The following GREB1 variants were observed in gnomAD, a reference collection of about 807,000 sequenced individuals.
GREB1 encodes the protein protein GREB1.
A neutral mutation model predicts 200.7 loss-of-function variants in GREB1; 106 were observed. The observed-to-expected ratio is 0.53, with a 90% CI of 0.45 to 0.62. GREB1 has a LOEUF of 0.62. Among genes scored for constraint, GREB1 ranks in the 20% least tolerant of loss-of-function variants. The pLI, the probability that GREB1 is intolerant of heterozygous loss-of-function variation, is 0.00. For synonymous variants in GREB1, 1,132 were observed against 1,092.4 expected, an observed-to-expected ratio of 1.04 and a Z score of -0.72; for missense variants, 2,243 against 2,556.8, an observed-to-expected ratio of 0.88 and a Z score of 2.65.
intron 27 of GREB1, 133 bp downstream of exon 27, chr2:11,632,246 T>C (rs773808023): frequency 1.2e-5 from 8 of 655,126 alleles, no homozygotes; most frequent in Middle Eastern, 8.3e-4. Context: ...ATTTTCATTT[T>C]GTCTGACTTT....
rs556073626 is a variant in GREB1, at chr2:11,506,249, C to G, written c.-159+23868C>G. ...TGGTTGAGTATAGATGCTGGAATTTCCTGTCCTTGAGAAGCGTGGTTTGGT... is the reference window on the plus strand; with the variant it reads ...TGGTTGAGTATAGATGCTGGAATTTGCTGTCCTTGAGAAGCGTGGTTTGGT... On this transcript the variant is annotated intron_variant, in intron 1 of 2. Coordinates refer to the GREB1 transcript ENST00000628795. Among the ~76,000 whole-genome samples the G allele has an allele frequency of 2.6e-5, 4 of 152,268 alleles. No individual in the cohort carries two copies. The East Asian group carries it at 7.7e-4, about 29-fold the overall frequency.
chr2:11,599,681 T>A (rs530501269), intron 15 of GREB1, among the ~76,000 whole-genome samples: 1 of 152,078 alleles, frequency 6.6e-6, no homozygotes, highest in Admixed American at 6.5e-5. Flanking sequence ...CCACCACACC[T>A]GGCTAATTTT....
chr2:11,576,269 T>G, intron 4 of GREB1, 84 bp from the exon 5 acceptor site: 1 of 1,124,902 alleles, frequency 8.9e-7, no homozygotes. Flanking sequence ...ATCGCACCAT[T>G]GCATTCCAGC....
At chr2:11,614,630 C>A (rs1347850440) in intron 19 of GREB1, among the ~76,000 whole-genome samples, 1 of 151,964 alleles carries the variant, frequency 6.6e-6, no homozygotes, top group Non-Finnish European at 1.5e-5. Context: ...GTGACACAAT[C>A]TCGGCTCACG....
At chr2:11,576,661 C>T (rs986870774) in intron 5 of GREB1, 126 bp downstream of exon 5, 36 of 676,466 alleles carry the variant, frequency 5.3e-5, no homozygotes, top group Non-Finnish European at 7.6e-6. Flanking sequence ...AAAGGCCAGG[C>T]CTATGAAATG....
In GREB1 at chr2:11,580,860, G is replaced by A. The variant is rs13004648; in HGVS notation, c.901+28G>A. ...AGCTCTGCCTGTCCTGGCCGTCCTGGGGATCCTGCTCTTCTTTGGGCCAAG... is the reference window on the plus strand; with the variant it reads ...AGCTCTGCCTGTCCTGGCCGTCCTGAGGATCCTGCTCTTCTTTGGGCCAAG... On this transcript the variant is annotated intron_variant, in intron 7 of 32. Coordinates refer to ENST00000381486, the MANE Select transcript of GREB1 (RefSeq NM_014668.4). The surrounding 1 kb of genome is among the most constrained non-coding windows in gnomAD (Gnocchi z 4.5). 0.12 allele frequency: 188,138 copies of A among 1,613,714 alleles called. 12,342 individuals carry two copies. Among genetic ancestry groups the A allele is most frequent in the Middle Eastern group, 0.16 (958 of 6,062 alleles).
At chr2:11,554,295 T>G (rs753624369) in intron 1 of GREB1, among the ~76,000 whole-genome samples, 3 of 152,136 alleles carry the variant, frequency 2.0e-5, no homozygotes, top group Non-Finnish European at 4.4e-5. Context: ...TGGTCAGAAG[T>G]TATTGCCACA....
Position 11,635,358 on chromosome 2 carries a change from A to G in GREB1, c.5299A>G (p.Lys1767Glu). The G allele has an allele frequency of 1.2e-6, 2 of 1,614,036 alleles. No individual in the cohort carries two copies. Among genetic ancestry groups the G allele is most frequent in the Non-Finnish European group, 1.7e-6 (2 of 1,179,958 alleles). ...CRFNRFSVMK[K>E]QIVVGGHRSF... ...GTTCAACCGCTTCAGCGTGATGAAG[A>G]AGCAGATCGTGGTGGGCGGCCACAG... The change falls in exon 30 of 33, where the codon AAG (lysine) becomes GAG (glutamate). Residue 1767 changes from lysine (K) to glutamate (E), a missense_variant. Lys to Glu is a moderately conservative substitution (Grantham distance 56, BLOSUM62 1). Coordinates refer to ENST00000381486, the MANE Select transcript of GREB1 (RefSeq NM_014668.4).
At position 11,502,792 on chromosome 2, in the gene GREB1, A is replaced by G. The variant is rs575614622; in HGVS notation, c.-159+20411A>G. 5.3e-5 allele frequency among the ~76,000 whole-genome samples: 8 copies of G among 152,350 alleles called. No homozygotes were observed. In the South Asian group the frequency reaches 1.5e-3, roughly 28 times the overall value. The stretch of plus-strand genomic sequence containing the variant: ...TTATATGTTATCTGGAGCACTTCAT[A>G]TAGTGATGTCACAGGTGGAAGGATT... On this transcript the variant is annotated intron_variant, in intron 1 of 2. Coordinates refer to the GREB1 transcript ENST00000628795.
intron 30 of GREB1, among the ~76,000 whole-genome samples, chr2:11,636,084 G>T (rs1171808842): frequency 2.6e-5 from 4 of 152,190 alleles, no homozygotes; most frequent in African/African-American, 9.7e-5. Context: ...CGCTGAGGTG[G>T]GCTGGGTCTG....
intron 1 of GREB1, among the ~76,000 whole-genome samples, chr2:11,488,449 C>A (rs1672705816): frequency 6.6e-6 from 1 of 152,156 alleles, no homozygotes. Flanking sequence ...ACAGTGAGAT[C>A]TTTTGTTGAT....
chr2:11,489,465 A>G (rs1443034771), intron 1 of GREB1, among the ~76,000 whole-genome samples: 1 of 127,140 alleles, frequency 7.9e-6, no homozygotes, highest in Non-Finnish European at 2.0e-5. Context: ...TCTTGGGGGA[A>G]AAAAAAATAA....
At position 11,618,853 on chromosome 2, in the gene GREB1, C is replaced by G; in HGVS notation, c.3978C>G (p.Gly1326=). ...CCCGGCCCAGCCACATGGACTACGGCAACCGGGCCGAGGGCCGCGTGGACG... is the reference window on the plus strand; with the variant it reads ...CCCGGCCCAGCCACATGGACTACGGGAACCGGGCCGAGGGCCGCGTGGACG... ...TVPRPSHMDY[G]NRAEGRVDGF... Residue 1326 remains glycine, a synonymous_variant, in exon 22 of 33, where the codon GGC becomes GGG. Coordinates refer to ENST00000381486, the MANE Select transcript of GREB1 (RefSeq NM_014668.4). 6.3e-7 allele frequency: 1 copy of G among 1,595,356 alleles called. No homozygotes were observed. Among genetic ancestry groups the G allele is most frequent in the Non-Finnish European group, 8.5e-7 (1 of 1,175,284 alleles).
At chr2:11,529,504 G>A (rs964189048), upstream of GREB1, among the ~76,000 whole-genome samples, 5 of 152,152 alleles carry the variant, frequency 3.3e-5, no homozygotes, top group African/African-American at 1.2e-4. Context: ...CCTGATGATG[G>A]GGGTGTAAGT....
At chr2:11,613,710 T>C (rs550481660) in intron 19 of GREB1, among the ~76,000 whole-genome samples, 1 of 152,384 alleles carries the variant, frequency 6.6e-6, no homozygotes, top group East Asian at 1.9e-4. Flanking sequence ...TAATCTATTT[T>C]AAATTTTAGC....
chr2:11,582,425 C>G (rs1325012592), intron 7 of GREB1, among the ~76,000 whole-genome samples: 1 of 152,220 alleles, frequency 6.6e-6, no homozygotes, highest in Non-Finnish European at 1.5e-5. Context: ...TCCCCCACCC[C>G]CATGGCCCCA....
intron 4 of GREB1, among the ~76,000 whole-genome samples, chr2:11,575,979 G>T (rs1678814306): frequency 6.6e-6 from 1 of 152,210 alleles, no homozygotes; most frequent in Non-Finnish European, 1.5e-5. Flanking sequence ...TTTCATTCGA[G>T]TTGAGGCCGT....
chr2:11,516,310 A>AGG (rs1361959138), intron 1 of GREB1, among the ~76,000 whole-genome samples: 3 of 126,580 alleles, frequency 2.4e-5, no homozygotes, highest in Non-Finnish European at 5.0e-5. Flanking sequence ...ATTTTCCTGC[A>AGG]GGTGTGTGTG....
intron 1 of GREB1, among the ~76,000 whole-genome samples, chr2:11,514,633 A>G (rs911392400): frequency 2.6e-5 from 4 of 152,198 alleles, no homozygotes; most frequent in Admixed American, 6.5e-5. Flanking sequence ...AGTTGGGCCA[A>G]AGGAATGCCA....
Sources: gnomAD v4.1 joint callset for allele counts (sites outside exome capture counted in the v4.1 genomes callset) on GRCh38, gnomAD v4.1.1 for gene constraint, Gnocchi (gnomAD v3.1) non-coding constraint, MANE v1.5 for transcripts, NCBI Gene and HGNC (gene_info 2026-07-23, HGNC 2026-07-21) for gene names.